The following TMEM132D variants were observed in gnomAD, a reference collection of about 807,000 sequenced individuals.
The protein encoded by TMEM132D is transmembrane protein 132D, also known as mature OL transmembrane protein.
TMEM132D carries 21 observed loss-of-function variants against 62.3 expected under a neutral mutation model. The observed-to-expected ratio is 0.34, with a 90% CI of 0.24 to 0.49. TMEM132D has a LOEUF of 0.49. Ranked by LOEUF, TMEM132D falls within the 20% of genes least tolerant of loss-of-function variation. The pLI is 0.99. For synonymous variants in TMEM132D, 621 were observed against 575.6 expected (o/e 1.08, Z -1.13); for missense variants, 1,346 against 1,402.8 (o/e 0.96, Z 0.65).
At chr12:129,116,718 A>G (rs549374131) in intron 5 of TMEM132D, among the ~76,000 whole-genome samples, 2 of 152,268 alleles carry the variant, frequency 1.3e-5, no homozygotes, top group South Asian at 4.2e-4. Flanking sequence ...TAGAACAGCT[A>G]CAATCCAAAA....
chr12:129,235,840 G>T lies in TMEM132D; in HGVS notation c.1300-26177C>A, dbSNP rs140243141. 8.7e-3 allele frequency among the ~76,000 whole-genome samples: 1,326 copies of T among 151,946 alleles called. 10 individuals carry two copies. Among genetic ancestry groups the T allele is most frequent in the Non-Finnish European group, 0.013 (902 of 67,962 alleles). ...TGTTTGGCTATTTGGGGTCTTTTGTGATCTTATATAAATCTTAGAATTAAA... is the reference window on the plus strand; with the variant it reads ...TGTTTGGCTATTTGGGGTCTTTTGTTATCTTATATAAATCTTAGAATTAAA... On this transcript the variant is annotated intron_variant, in intron 4 of 8. Transcript: ENST00000422113.
intron 3 of TMEM132D, among the ~76,000 whole-genome samples, chr12:129,513,751 C>T (rs528761072): frequency 6.6e-6 from 1 of 151,384 alleles, no homozygotes; most frequent in South Asian, 2.1e-4. Flanking sequence ...TCTCAAAGTG[C>T]TGGGATTACA....
intron 2 of TMEM132D, among the ~76,000 whole-genome samples, chr12:129,580,209 C>A (rs1375197542): frequency 2.0e-5 from 3 of 152,132 alleles, no homozygotes; most frequent in Admixed American, 2.0e-4. Context: ...ATGCAAACAC[C>A]TTTTCTTCAA....
chr12:129,634,682 C>T (rs888791729), intron 2 of TMEM132D, among the ~76,000 whole-genome samples: 5 of 152,032 alleles, frequency 3.3e-5, no homozygotes, highest in African/African-American at 9.7e-5. Flanking sequence ...GAAAATGAAA[C>T]GTTGGCAGGT....
intron 3 of TMEM132D, among the ~76,000 whole-genome samples, chr12:129,529,511 C>A (rs1241342779): frequency 6.6e-6 from 1 of 152,180 alleles, no homozygotes; most frequent in Non-Finnish European, 1.5e-5. Context: ...ATAAAAAGGG[C>A]ACAAATATTT....
intron 4 of TMEM132D, among the ~76,000 whole-genome samples, chr12:129,306,197 A>G (rs1053042005): frequency 6.6e-6 from 1 of 152,230 alleles, no homozygotes; most frequent in Non-Finnish European, 1.5e-5. Context: ...ACCAAAAGCT[A>G]AAAAGTACAT....
chr12:129,440,353 C>A (rs915163913), intron 3 of TMEM132D, among the ~76,000 whole-genome samples: 1 of 152,160 alleles, frequency 6.6e-6, no homozygotes, highest in Non-Finnish European at 1.5e-5. Context: ...AGTTCTGTTT[C>A]TCTGTGTTCC....
At chr12:129,321,462 T>C (rs1376899850) in intron 4 of TMEM132D, among the ~76,000 whole-genome samples, 2 of 152,240 alleles carry the variant, frequency 1.3e-5, no homozygotes, top group Non-Finnish European at 2.9e-5. Context: ...ATATTCCATG[T>C]CCATCACTTA....
intron 4 of TMEM132D, among the ~76,000 whole-genome samples, chr12:129,215,400 G>A (rs1879173881): frequency 6.6e-6 from 1 of 152,008 alleles, no homozygotes; most frequent in South Asian, 2.1e-4. Flanking sequence ...TACCTGGGTG[G>A]GGAAATAATT....
intron 5 of TMEM132D, among the ~76,000 whole-genome samples, chr12:129,091,426 A>G (rs574092029): frequency 8.7e-5 from 13 of 148,774 alleles, no homozygotes; most frequent in Admixed American, 3.3e-4. Context: ...TGAGGACCTT[A>G]CCTATCCTCT....
intron 2 of TMEM132D, among the ~76,000 whole-genome samples, chr12:129,646,377 A>G (rs1294825475): frequency 6.6e-6 from 1 of 151,204 alleles, no homozygotes; most frequent in African/African-American, 2.4e-5. Context: ...CACCAGTCTG[A>G]CTCCTAACCT....
intron 4 of TMEM132D, among the ~76,000 whole-genome samples, chr12:129,249,501 G>A (rs904372992): frequency 2.6e-5 from 4 of 152,196 alleles, no homozygotes; most frequent in Non-Finnish European, 5.9e-5. Flanking sequence ...GAGGTGGCAG[G>A]TACTTGGGTG....
intron 2 of TMEM132D, among the ~76,000 whole-genome samples, chr12:129,654,949 T>G (rs1565938279): frequency 6.7e-6 from 1 of 149,968 alleles, no homozygotes; most frequent in East Asian, 1.9e-4. Flanking sequence ...ATTCCTTTTC[T>G]TTTTTTTTTC....
intron 5 of TMEM132D, among the ~76,000 whole-genome samples, chr12:129,194,898 T>C (rs1011322215): frequency 2.0e-5 from 3 of 152,082 alleles, no homozygotes; most frequent in Non-Finnish European, 4.4e-5. Flanking sequence ...GAGATGGCCC[T>C]CTCTGTCCTC....
At chr12:129,166,744 C>T (rs978769360) in intron 5 of TMEM132D, among the ~76,000 whole-genome samples, 2 of 146,156 alleles carry the variant, frequency 1.4e-5, no homozygotes, top group African/African-American at 5.1e-5. Flanking sequence ...TATATATACA[C>T]ATATACATAC....
rs548565131 is a variant in TMEM132D at position 129,487,200 on chromosome 12, G to C, written c.1115+43859C>G. On this transcript the variant is annotated intron_variant, in intron 3 of 8. Coordinates refer to ENST00000422113, the MANE Select transcript of TMEM132D (RefSeq NM_133448.3). ...TGTAGAACAGCCCCAGCGTGCATGGGAGAGACAAGGCGTGAAACTGTACCT... is the reference window on the plus strand; with the variant it reads ...TGTAGAACAGCCCCAGCGTGCATGGCAGAGACAAGGCGTGAAACTGTACCT... Among the ~76,000 whole-genome samples, 15 of 152,194 alleles carry C rather than the reference G, an allele frequency of 9.9e-5. No individual in the cohort carries two copies. In the East Asian group the frequency reaches 2.5e-3, roughly 26 times the overall value.
At chr12:129,624,522 T>C (rs193205631) in intron 2 of TMEM132D, among the ~76,000 whole-genome samples, 176 of 152,366 alleles carry the variant, frequency 1.2e-3, no homozygotes, top group Non-Finnish European at 1.9e-3. Context: ...AGAGCTCAGC[T>C]GGACCAGCAG....
At chr12:129,758,237 C>G (rs1224731010) in intron 1 of TMEM132D, among the ~76,000 whole-genome samples, 1 of 152,074 alleles carries the variant, frequency 6.6e-6, no homozygotes, top group Non-Finnish European at 1.5e-5. Flanking sequence ...AGTGACACCA[C>G]TCTTCCTCCT....
intron 1 of TMEM132D, among the ~76,000 whole-genome samples, chr12:129,811,102 A>G (rs7958275): frequency 0.094 from 14,344 of 151,888 alleles, 934 homozygotes; most frequent in South Asian, 0.14. Flanking sequence ...AATATCAATG[A>G]ACGGATTTAA....
Sources: gnomAD v4.1 joint callset for allele counts (sites outside exome capture counted in the v4.1 genomes callset) on GRCh38, gnomAD v4.1.1 for gene constraint, MANE v1.5 for transcripts, NCBI Gene and HGNC (gene_info 2026-07-23, HGNC 2026-07-21) for gene names.